The following GPC6 variants were observed in gnomAD, a reference collection of about 807,000 sequenced individuals.
GPC6 encodes glypican 6, also known as glypican-6.
GPC6 carries 14 observed loss-of-function variants against 55.2 expected under a neutral mutation model. The observed-to-expected ratio is 0.25, with a 90% CI of 0.17 to 0.40. GPC6 has a LOEUF of 0.40. Among genes scored for constraint, GPC6 ranks in the 10% least tolerant of loss-of-function variants. The pLI is 1.00. For synonymous variants in GPC6, 278 were observed against 259.6 expected (o/e 1.07, Z -0.68); for missense variants, 641 against 708.5 (o/e 0.90, Z 1.08).
intron 2 of GPC6, among the ~76,000 whole-genome samples, chr13:93,658,551 G>T (rs1347581000): frequency 6.6e-6 from 1 of 151,244 alleles, no homozygotes; most frequent in Non-Finnish European, 1.5e-5. Flanking sequence ...GTCAAATCTT[G>T]TTTCTACAAG....
intron 2 of GPC6, among the ~76,000 whole-genome samples, chr13:93,777,370 C>G (rs980742344): frequency 6.6e-6 from 1 of 152,158 alleles, no homozygotes; most frequent in Admixed American, 6.6e-5. Flanking sequence ...TCCATTTGCC[C>G]AGATAACTCT....
chr13:93,462,637 TG>T (rs1385565283), intron 1 of GPC6, among the ~76,000 whole-genome samples: 1 of 141,074 alleles, frequency 7.1e-6, no homozygotes, highest in African/African-American at 2.6e-5. Flanking sequence ...TTGTAAAAAT[TG>T]AAAAAAAAAA....
At chr13:93,924,324 C>T (rs141372409) in intron 3 of GPC6, among the ~76,000 whole-genome samples, 3,655 of 152,276 alleles carry the variant, frequency 0.024, 56 homozygotes, top group Middle Eastern at 0.051. Context: ...ATGCCGAGGA[C>T]ATTCAGGAGT....
chr13:93,433,176 G>A (rs1378224574), intron 1 of GPC6, among the ~76,000 whole-genome samples: 1 of 152,128 alleles, frequency 6.6e-6, no homozygotes, highest in African/African-American at 2.4e-5. Context: ...GAGCATATTT[G>A]AAATTGTGAT....
chr13:93,984,852 G>A (rs1045103491), intron 3 of GPC6, among the ~76,000 whole-genome samples: 1 of 152,126 alleles, frequency 6.6e-6, no homozygotes, highest in Admixed American at 6.5e-5. Flanking sequence ...TTAATGGGAG[G>A]AAGCTATCTT....
At chr13:94,301,663 C>G (rs1340646744) in intron 5 of GPC6, among the ~76,000 whole-genome samples, 1 of 152,214 alleles carries the variant, frequency 6.6e-6, no homozygotes, top group Non-Finnish European at 1.5e-5. Context: ...GACGAGCAAA[C>G]TGAGGCTCAG....
At chr13:94,100,842 A>G (rs1211897130) in intron 4 of GPC6, among the ~76,000 whole-genome samples, 3 of 152,210 alleles carry the variant, frequency 2.0e-5, no homozygotes, top group Non-Finnish European at 4.4e-5. Context: ...AAATACGTGA[A>G]CCATTCTTAG....
chr13:93,832,779 A>G (rs1294735120), intron 3 of GPC6, among the ~76,000 whole-genome samples: 1 of 152,162 alleles, frequency 6.6e-6, no homozygotes, highest in Non-Finnish European at 1.5e-5. Flanking sequence ...TCATGAGCCA[A>G]CCATCAGTAG....
chr13:94,228,140 G>C (rs1005111420), intron 4 of GPC6, among the ~76,000 whole-genome samples: 1 of 152,082 alleles, frequency 6.6e-6, no homozygotes, highest in African/African-American at 2.4e-5. Flanking sequence ...TAGAAACATA[G>C]AATCTAGAAC....
At chr13:94,051,422 A>C (rs1039737920) in intron 4 of GPC6, among the ~76,000 whole-genome samples, 19 of 152,242 alleles carry the variant, frequency 1.2e-4, no homozygotes, top group Non-Finnish European at 8.8e-5. Context: ...GTTTTGCATC[A>C]CAAGCTTCCA....
chr13:94,002,468 A>G (rs899184261), intron 3 of GPC6, among the ~76,000 whole-genome samples: 5 of 152,220 alleles, frequency 3.3e-5, no homozygotes, highest in African/African-American at 9.6e-5. Flanking sequence ...GATTATCTCA[A>G]TATTGACCTA....
chr13:94,032,291 G>A (rs1883171610), intron 4 of GPC6, among the ~76,000 whole-genome samples: 1 of 152,192 alleles, frequency 6.6e-6, no homozygotes, highest in Admixed American at 6.5e-5. Flanking sequence ...CTATGACAAA[G>A]TGTTAGGATA....
intron 3 of GPC6, among the ~76,000 whole-genome samples, chr13:93,851,086 G>A (rs1888376425): frequency 6.6e-6 from 1 of 151,810 alleles, no homozygotes. Context: ...TCTAATTTTG[G>A]TGTAACACAG....
chr13:94,098,414 A>G (rs910166167), intron 4 of GPC6, among the ~76,000 whole-genome samples: 3 of 152,248 alleles, frequency 2.0e-5, no homozygotes, highest in Admixed American at 6.5e-5. Flanking sequence ...GTAAATTGCT[A>G]GGTACATAGT....
chr13:93,571,791 A>G (rs907096424), intron 2 of GPC6, among the ~76,000 whole-genome samples: 1 of 152,126 alleles, frequency 6.6e-6, no homozygotes, highest in African/African-American at 2.4e-5. Flanking sequence ...TTCATGTTTT[A>G]GATGGGAAAG....
chr13:93,533,335 T>A (rs1881937830), intron 1 of GPC6, among the ~76,000 whole-genome samples: 1 of 152,206 alleles, frequency 6.6e-6, no homozygotes, highest in Non-Finnish European at 1.5e-5. Context: ...AATTCTAAAG[T>A]ATTCTAAAGT....
intron 1 of GPC6, among the ~76,000 whole-genome samples, chr13:93,543,358 A>T (rs902554471): frequency 3.3e-5 from 5 of 152,260 alleles, no homozygotes; most frequent in Admixed American, 3.3e-4. Context: ...CCAGCCTTGC[A>T]TCCCAGGAAT....
intron 2 of GPC6, among the ~76,000 whole-genome samples, chr13:93,650,559 G>A (rs1295484305): frequency 1.3e-5 from 2 of 152,038 alleles, no homozygotes; most frequent in Admixed American, 6.6e-5. Flanking sequence ...ATAGAAGACA[G>A]TTTCATGATA....
chr13:94,403,209 T>C lies in GPC6; in HGVS notation c.1660T>C (p.Cys554Arg), dbSNP rs1881226418. The C allele has an allele frequency of 6.2e-7, 1 of 1,612,416 alleles. No homozygotes were observed. Among genetic ancestry groups the C allele is most frequent in the Admixed American group, 1.7e-5 (1 of 60,006 alleles). Residue 554 changes from cysteine to arginine, a missense_variant, in exon 9 of 9, where the codon TGC becomes CGC. Coordinates refer to ENST00000377047, the MANE Select transcript of GPC6 (RefSeq NM_005708.5). ...TCIVLALQRLCR is the reference protein window; with the variant it reads ...TCIVLALQRLRR ...CATTGTCCTGGCACTGCAGAGACTG[T>C]GCAGATAATCTTGGGTTTTTGGTCA...
Sources: gnomAD v4.1 joint callset for allele counts (sites outside exome capture counted in the v4.1 genomes callset) on GRCh38, gnomAD v4.1.1 for gene constraint, MANE v1.5 for transcripts, NCBI Gene and HGNC (gene_info 2026-07-23, HGNC 2026-07-21) for gene names.